The following GTF2A1L variants were observed in gnomAD, a reference collection of about 807,000 sequenced individuals.
The protein encoded by GTF2A1L is TFIIA-alpha and beta-like factor.
Under a neutral mutation model 49.7 loss-of-function variants are expected in GTF2A1L, and 48 were observed. That is an observed-to-expected ratio of 0.97 (90% CI 0.77 to 1.23). The LOEUF is 1.23. Among genes scored for constraint, GTF2A1L ranks in the 50% most tolerant of loss-of-function variants. The pLI is 0.00. For missense variants in GTF2A1L, 736 were observed against 564.8 expected, an observed-to-expected ratio of 1.30 and a Z score of -3.07; for synonymous variants, 246 against 193.5, an observed-to-expected ratio of 1.27 and a Z score of -2.25.
intron 6 of GTF2A1L, among the ~76,000 whole-genome samples, chr2:48,648,282 A>G (rs1008705758): frequency 6.6e-6 from 1 of 152,134 alleles, no homozygotes; most frequent in Admixed American, 6.5e-5. Context: ...AGGTTAAACT[A>G]ATAAGTATGA....
intron 3 of GTF2A1L, among the ~76,000 whole-genome samples, chr2:48,630,358 T>G (rs2104104519): frequency 6.9e-6 from 1 of 143,926 alleles, no homozygotes; most frequent in Non-Finnish European, 1.6e-5. Flanking sequence ...CGTTCCTAGG[T>G]ATTTTATTTT....
At chr2:48,656,821 A>G (rs758229802) in intron 6 of GTF2A1L, among the ~76,000 whole-genome samples, 7 of 152,268 alleles carry the variant, frequency 4.6e-5, no homozygotes, top group Non-Finnish European at 7.4e-5. Context: ...AGAGATTTAT[A>G]GTTTTAGTTC....
At chr2:48,672,306 T>G (rs538746034) in intron 8 of GTF2A1L, among the ~76,000 whole-genome samples, 1 of 152,280 alleles carries the variant, frequency 6.6e-6, no homozygotes, top group South Asian at 2.1e-4. Context: ...TGTCTTTTAT[T>G]GGATGTATAG....
chr2:48,622,841 A>T (rs1451651025), intron 3 of GTF2A1L, among the ~76,000 whole-genome samples: 1 of 151,764 alleles, frequency 6.6e-6, no homozygotes, highest in African/African-American at 2.4e-5. Context: ...CTTAAAAAAA[A>T]AAAAAAAAAG....
intron 1 of GTF2A1L, chr2:48,618,190 C>T (rs1675772617): frequency 2.6e-6 from 1 of 379,168 alleles, no homozygotes; most frequent in Non-Finnish European, 4.7e-6. Flanking sequence ...ATCCTCAACC[C>T]TGCTGGTTTC....
intron 1 of GTF2A1L, among the ~76,000 whole-genome samples, chr2:48,619,787 C>T (rs1675875941): frequency 6.6e-6 from 1 of 152,024 alleles, no homozygotes; most frequent in Non-Finnish European, 1.5e-5. Flanking sequence ...TTTCACATAC[C>T]CTCTTTTTTG....
chr2:48,654,167 T>C (rs1183733961), intron 6 of GTF2A1L, among the ~76,000 whole-genome samples: 1 of 152,154 alleles, frequency 6.6e-6, no homozygotes, highest in African/African-American at 2.4e-5. Flanking sequence ...ACACTATCTT[T>C]TGGTAAGGAG....
intron 5 of GTF2A1L, 130 bp downstream of exon 5, chr2:48,645,247 G>A: frequency 1.2e-6 from 1 of 863,750 alleles, no homozygotes; most frequent in East Asian, 2.9e-5. Context: ...GATTTTAAAA[G>A]TAATGATAAA....
intron 3 of GTF2A1L, among the ~76,000 whole-genome samples, chr2:48,639,066 G>A (rs1677060203): frequency 1.3e-5 from 2 of 151,950 alleles, no homozygotes; most frequent in South Asian, 4.2e-4. Context: ...CAAACAAATG[G>A]GAAAACATCC....
Position 48,621,167 on chromosome 2 carries a change from C to G in GTF2A1L, c.124C>G (p.Leu42Val), listed in dbSNP as rs1298057521. 8 of 1,611,888 alleles carry G rather than the reference C, an allele frequency of 5.0e-6. No homozygotes were observed. Among genetic ancestry groups the G allele is most frequent in the African/African-American group, 1.3e-5 (1 of 74,902 alleles). Reference sequence around the variant, plus strand: ...TAAACTTTTTTTTTCCCCTCTGCAGCTCTGGGAAACCAAGGTTTTGCAGTC... The same window carrying G: ...TAAACTTTTTTTTTCCCCTCTGCAGGTCTGGGAAACCAAGGTTTTGCAGTC... ...EEQVLKDLKQLWETKVLQSKA... is the reference protein window; with the variant it reads ...EEQVLKDLKQVWETKVLQSKA... The change falls in exon 3 of 9, where the codon CTC becomes GTC. Residue 42 changes from leucine (L) to valine (V), a missense_variant and splice_region_variant. Leu to Val is a conservative substitution (Grantham distance 32). Transcript: ENST00000403751.
chr2:48,643,996 GC>G (rs374310400), intron 4 of GTF2A1L, among the ~76,000 whole-genome samples: 171 of 152,088 alleles, frequency 1.1e-3, no homozygotes, highest in African/African-American at 4.1e-3. Flanking sequence ...ACCGTGCCCG[GC>G]CTGTACAAAA....
intron 8 of GTF2A1L, 137 bp downstream of exon 8, chr2:48,671,817 G>A: frequency 3.6e-6 from 3 of 841,638 alleles, no homozygotes; most frequent in South Asian, 2.2e-5. Context: ...GAAATTCTGA[G>A]TGTGTATTTT....
intron 3 of GTF2A1L, among the ~76,000 whole-genome samples, chr2:48,629,400 C>T (rs1011863532): frequency 6.9e-6 from 1 of 144,370 alleles, no homozygotes; most frequent in African/African-American, 2.5e-5. Context: ...AGTACAACGT[C>T]TGTGTGTCTT....
intron 6 of GTF2A1L, among the ~76,000 whole-genome samples, chr2:48,667,250 T>C (rs1198408411): frequency 6.6e-6 from 1 of 152,082 alleles, no homozygotes; most frequent in African/African-American, 2.4e-5. Context: ...TGAGTGGCCA[T>C]GCCCAGCCTC....
At chr2:48,643,127 T>TC (rs1014623306) in intron 4 of GTF2A1L, among the ~76,000 whole-genome samples, 2 of 152,172 alleles carry the variant, frequency 1.3e-5, no homozygotes, top group African/African-American at 4.8e-5. Flanking sequence ...AGATTTTTTT[T>TC]CCCCTCTAGA....
rs1034988208 is a variant in GTF2A1L at position 48,626,208 on chromosome 2, C to G, written c.247+4918C>G. 5.6e-5 allele frequency among the ~76,000 whole-genome samples: 8 copies of G among 143,736 alleles called. 1 individual carries two copies. The highest frequency in any genetic ancestry group is 1.7e-4 in the African/African-American group (7 of 40,454). 94.3% of individuals were successfully genotyped at this position (143,736 alleles called of 152,430 possible). ...GTGTTTGGGTTTATTTCTGGGCTCT[C>G]TATACTGTTCTGCTGGTCTTTGTGT... On this transcript the variant is annotated intron_variant, in intron 3 of 8. Transcript: ENST00000403751.
chr2:48,655,766 T>C (rs1376503291), intron 6 of GTF2A1L, among the ~76,000 whole-genome samples: 1 of 152,180 alleles, frequency 6.6e-6, no homozygotes, highest in Non-Finnish European at 1.5e-5. Context: ...TATATTCACA[T>C]TGTTGTGTAG....
intron 6 of GTF2A1L, among the ~76,000 whole-genome samples, chr2:48,652,581 C>G (rs1471324602): frequency 2.6e-5 from 4 of 151,620 alleles, no homozygotes; most frequent in African/African-American, 9.7e-5. Flanking sequence ...TCCCACTGCA[C>G]TCCAGCCTGG....
Position 48,640,227 on chromosome 2 carries a change from C to G in GTF2A1L, c.248-2175C>G, listed in dbSNP as rs534806030. 1.9e-3 allele frequency among the ~76,000 whole-genome samples: 287 copies of G among 152,158 alleles called. 1 individual carries two copies. The highest frequency in any genetic ancestry group is 6.7e-3 in the African/African-American group (277 of 41,522). ...CTCAGAGGAATATAAAGCATTCTAC[C>G]ATAAAGACGCATGCGAATGTTCATT... On this transcript the variant is annotated intron_variant, in intron 3 of 8. Transcript: ENST00000403751.
Sources: allele counts gnomAD v4.1 joint callset (sites outside exome capture counted in the v4.1 genomes callset), GRCh38; gene constraint gnomAD v4.1.1; transcripts MANE v1.5; gene names NCBI Gene and HGNC (gene_info 2026-07-23, HGNC 2026-07-21).